The following POLR1D variants were observed in gnomAD, a reference collection of about 807,000 sequenced individuals.
POLR1D encodes RNA polymerase I and III subunit D, also known as DNA-directed RNA polymerases I and III subunit RPAC2.
A neutral mutation model predicts 10.8 loss-of-function variants in POLR1D; 8 were observed. That is an observed-to-expected ratio of 0.74 (90% CI 0.43 to 1.33). The LOEUF (loss-of-function observed/expected upper bound fraction) is 1.33. Among genes scored for constraint, POLR1D ranks in the 40% most tolerant of loss-of-function variants. The pLI, the probability that POLR1D is intolerant of heterozygous loss-of-function variation, is 0.01. For missense variants in POLR1D, 152 were observed against 161.7 expected, an observed-to-expected ratio of 0.94 and a Z score of 0.32; for synonymous variants, 54 against 57.2, an observed-to-expected ratio of 0.94 and a Z score of 0.25.
chr13:27,656,766 A>C (rs182293265), intron 2 of POLR1D, among the ~76,000 whole-genome samples: 1 of 152,270 alleles, frequency 6.6e-6, no homozygotes, highest in African/African-American at 2.4e-5. Flanking sequence ...TCTTTCATAG[A>C]ACTTAATAAA....
chr13:27,630,649 G>A (rs531969055), intron 1 of POLR1D, among the ~76,000 whole-genome samples: 181 of 152,290 alleles, frequency 1.2e-3, no homozygotes, highest in African/African-American at 4.2e-3. Flanking sequence ...AAATTAGGCT[G>A]ATAGTAACAC....
At chr13:27,650,957 CAATT>C (rs1244242736) in intron 2 of POLR1D, 2 of 151,966 alleles carry the variant, frequency 1.3e-5, no homozygotes, top group African/African-American at 4.8e-5. Context: ...TCAAAGTCAC[CAATT>C]AATTGATGAA....
chr13:27,636,754 C>T (rs995129578), intron 1 of POLR1D, among the ~76,000 whole-genome samples: 1 of 152,108 alleles, frequency 6.6e-6, no homozygotes, highest in Non-Finnish European at 1.5e-5. Flanking sequence ...TCAGAATTTT[C>T]CCCTGCGGTC....
intron 1 of POLR1D, among the ~76,000 whole-genome samples, chr13:27,634,580 G>A (rs1410930458): frequency 1.3e-5 from 2 of 151,942 alleles, no homozygotes; most frequent in African/African-American, 4.8e-5. Context: ...TATAGAAAAG[G>A]CAACTGAGAC....
chr13:27,656,966 A>G (rs1388503328), intron 2 of POLR1D, among the ~76,000 whole-genome samples: 6 of 152,204 alleles, frequency 3.9e-5, no homozygotes, highest in Admixed American at 3.9e-4. Flanking sequence ...TCTACTATGT[A>G]TGTGAAAACC....
chr13:27,644,714 T>C (rs1400515418), intron 1 of POLR1D, among the ~76,000 whole-genome samples: 1 of 152,228 alleles, frequency 6.6e-6, no homozygotes, highest in Non-Finnish European at 1.5e-5. Context: ...TAAGTTTATG[T>C]CTGAATAATT....
At chr13:27,625,247 C>T (rs940097206), downstream of POLR1D, among the ~76,000 whole-genome samples, 3 of 152,074 alleles carry the variant, frequency 2.0e-5, no homozygotes, top group African/African-American at 7.2e-5. Flanking sequence ...GGAATGACGT[C>T]TTCTTTACTT....
chr13:27,660,589 A>G (rs1464386790), intron 2 of POLR1D, among the ~76,000 whole-genome samples: 2 of 152,194 alleles, frequency 1.3e-5, no homozygotes, highest in African/African-American at 4.8e-5. Flanking sequence ...CTGAGTGGCC[A>G]GCTGTTCTCA....
intron 1 of POLR1D, among the ~76,000 whole-genome samples, chr13:27,636,267 T>C (rs1448657987): frequency 2.6e-5 from 4 of 152,182 alleles, no homozygotes; most frequent in Non-Finnish European, 5.9e-5. Flanking sequence ...ATTGGTAATT[T>C]TGAGTTAAAT....
At position 27,623,157 on chromosome 13, in the gene POLR1D, C is replaced by A; in HGVS notation, c.309C>A (p.Leu103=). The A allele has an allele frequency of 6.2e-7, 1 of 1,614,142 alleles. No homozygotes were observed. Among genetic ancestry groups the A allele is most frequent in the Non-Finnish European group, 8.5e-7 (1 of 1,180,012 alleles). The stretch of plus-strand genomic sequence containing the variant: ...CATTTCAGAGAGGCCTGAATGAGCT[C>A]ATGAATGTCTGCCAACATGTGCTTG... ...VEPFQRGLNE[L]MNVCQHVLDK... is the part of the protein sequence containing the mutation. The change falls in exon 2 of 2, where the codon CTC becomes CTA. Residue 103 remains leucine (L), a synonymous_variant. Transcript: ENST00000302979.
chr13:27,647,423 A>G lies in POLR1D; in HGVS notation c.27-956A>G, dbSNP rs1253160165. On this transcript the variant is annotated intron_variant, in intron 1 of 2. Transcript: ENST00000399697. Reference sequence around the variant, plus strand: ...TTTTTTTTAGAGACCAGGTCTTGCTATGTTGCCCAGGCTGGTCTCAAACTC... The same window carrying G: ...TTTTTTTTAGAGACCAGGTCTTGCTGTGTTGCCCAGGCTGGTCTCAAACTC... Among the ~76,000 whole-genome samples, 2 of 151,884 alleles carry G rather than the reference A, an allele frequency of 1.3e-5. 1 individual carries two copies. Among genetic ancestry groups the G allele is most frequent in the East Asian group, 3.9e-4 (2 of 5,192 alleles).
downstream of POLR1D, chr13:27,623,483 A>G: frequency 3.5e-6 from 3 of 851,316 alleles, no homozygotes; most frequent in East Asian, 4.5e-5. Flanking sequence ...ATGCAACCAA[A>G]TGGTCCTTGA....
At chr13:27,666,319 T>C (rs575192284) in exon 3 of POLR1D, 5 of 198,582 alleles carry the variant, frequency 2.5e-5, no homozygotes, top group Non-Finnish European at 5.2e-5. Context: ...AAAATACTTA[T>C]AAATCCTATA....
intron 2 of POLR1D, among the ~76,000 whole-genome samples, chr13:27,653,745 T>C (rs983569124): frequency 2.6e-5 from 4 of 152,230 alleles, no homozygotes; most frequent in Non-Finnish European, 4.4e-5. Context: ...AAATAACATT[T>C]ATAAGAAAAA....
exon 3 of POLR1D, chr13:27,666,187 A>T (rs1368648329): frequency 3.9e-6 from 2 of 506,428 alleles, no homozygotes; most frequent in African/African-American, 3.8e-5. Context: ...GCAGTGTAGT[A>T]GACTTACATA....
In POLR1D at chr13:27,650,281, G is replaced by C. The variant is rs115889403; in HGVS notation, c.101+1828G>C. The C allele has an allele frequency of 9.8e-3, 3,740 of 381,508 alleles. 124 individuals carry two copies. The highest frequency in any genetic ancestry group is 0.07 in the African/African-American group (3,395 of 48,352). 23.6% of individuals were successfully genotyped at this position (381,508 alleles called of 1,614,324 possible). ...TATGCTACCCTCCCAGCATCAGTGT[G>C]TGATAATAGGCATGGAATATTGCCA... On this transcript the variant is annotated intron_variant, in intron 2 of 2. Transcript: ENST00000399697.
At chr13:27,665,618 T>C (rs1195933383) in intron 2 of POLR1D, 3 of 1,423,216 alleles carry the variant, frequency 2.1e-6, no homozygotes, top group East Asian at 4.5e-5. Flanking sequence ...CTAATCACGA[T>C]AGTGGGTCCA....
intron 2 of POLR1D, among the ~76,000 whole-genome samples, chr13:27,652,110 T>G (rs1312233584): frequency 6.6e-6 from 1 of 152,244 alleles, no homozygotes; most frequent in Non-Finnish European, 1.5e-5. Flanking sequence ...ATCTAATACC[T>G]ATTAGAAAGA....
At chr13:27,644,108 A>G (rs571010721) in intron 1 of POLR1D, among the ~76,000 whole-genome samples, 1 of 152,284 alleles carries the variant, frequency 6.6e-6, no homozygotes, top group East Asian at 1.9e-4. Context: ...GAAGAGGCCT[A>G]TAGTTCCCTC....
Sources: gnomAD v4.1 joint callset for allele counts (sites outside exome capture counted in the v4.1 genomes callset) on GRCh38, gnomAD v4.1.1 for gene constraint, MANE v1.5 for transcripts, NCBI Gene and HGNC (gene_info 2026-07-23, HGNC 2026-07-21) for gene names.